Variants in KIF5C observed in about 807,000 individuals in gnomAD.
KIF5C encodes the protein kinesin heavy chain isoform 5C.
In KIF5C, 18 loss-of-function variants were observed where a neutral mutation model predicts 125.2. The ratio of observed to expected loss-of-function variants is 0.14; its 90% CI spans 0.10 to 0.21. The LOEUF is 0.21. Ranked by LOEUF, KIF5C falls within the 10% of genes least tolerant of loss-of-function variation. The probability of loss-of-function intolerance (pLI) is 1.00; values close to 1 mark genes in which losing one functional copy is unlikely to be tolerated. For synonymous variants in KIF5C, 405 were observed against 434.0 expected (o/e 0.93, Z 0.83); for missense variants, 780 against 1,183.8 (o/e 0.66, Z 5.01).
chr2:148,984,449 G>A (rs59917408), intron 15 of KIF5C, among the ~76,000 whole-genome samples: 1,845 of 152,258 alleles, frequency 0.012, 38 homozygotes, highest in African/African-American at 0.041. Context: ...CTTTTTCTCT[G>A]TTTCCTTTCT....
chr2:148,989,337 TACACACACACAC>T (rs59582798), intron 15 of KIF5C, among the ~76,000 whole-genome samples: 2 of 147,832 alleles, frequency 1.4e-5, no homozygotes, highest in East Asian at 2.0e-4. Flanking sequence ...TCCATGATTT[TACACACACACAC>T]ACACACACAC....
chr2:148,883,842 T>C (rs956021023), intron 1 of KIF5C: 5 of 152,288 alleles, frequency 3.3e-5, no homozygotes, highest in African/African-American at 1.2e-4. Flanking sequence ...GTAGTCCACA[T>C]ACCTCCTTGT....
intron 19 of KIF5C, 161 bp downstream of exon 19, chr2:148,998,670 G>A: frequency 8.2e-7 from 1 of 1,217,296 alleles, no homozygotes; most frequent in Non-Finnish European, 1.1e-6. Flanking sequence ...TCCAAGGTCT[G>A]TTCTCCGATC....
At chr2:148,989,778 T>C (rs1681477435) in intron 15 of KIF5C, among the ~76,000 whole-genome samples, 1 of 152,218 alleles carries the variant, frequency 6.6e-6, no homozygotes, top group African/African-American at 2.4e-5. Context: ...GCTATTTATA[T>C]TGTTGTTGAA....
At position 148,962,095 on chromosome 2, in the gene KIF5C, A is replaced by T; in HGVS notation, c.1093A>T (p.Met365Leu). Reference sequence around the variant, plus strand: ...GAAGAATGTTATCCAGCATCTGGAGATGGAGCTAAACAGGTGGAGGAATGG... The same window carrying T: ...GAAGAATGTTATCCAGCATCTGGAGTTGGAGCTAAACAGGTGGAGGAATGG... The part of the protein sequence containing the change: ...TLKNVIQHLE[M>L]ELNRWRNGEA... The change falls in exon 11 of 26, where the codon ATG becomes TTG. Residue 365 changes from methionine (M) to leucine (L), a missense_variant. Transcript: ENST00000435030. 1 of 1,611,074 alleles carries T rather than the reference A, an allele frequency of 6.2e-7. No homozygotes were observed. Among genetic ancestry groups the T allele is most frequent in the Non-Finnish European group, 8.5e-7 (1 of 1,178,358 alleles).
At chr2:148,997,191 G>T in intron 17 of KIF5C, 73 bp from the exon 18 acceptor site, 2 of 1,541,644 alleles carry the variant, frequency 1.3e-6, no homozygotes, top group Admixed American at 2.0e-5. Flanking sequence ...CTTGCTTTTT[G>T]TTTTTTAATT....
intron 7 of KIF5C, among the ~76,000 whole-genome samples, chr2:148,943,065 G>A (rs1682443941): frequency 1.3e-5 from 2 of 152,066 alleles, no homozygotes; most frequent in South Asian, 4.1e-4. Context: ...ACCAAAGGGA[G>A]GGAAAGAGTA....
At chr2:148,970,403 T>C (rs1680866935) in intron 11 of KIF5C, among the ~76,000 whole-genome samples, 1 of 152,198 alleles carries the variant, frequency 6.6e-6, no homozygotes, top group African/African-American at 2.4e-5. Flanking sequence ...TTTTTACATA[T>C]ACTATCTTCA....
At chr2:149,013,105 G>A (rs1297082747) in intron 25 of KIF5C, among the ~76,000 whole-genome samples, 4 of 152,198 alleles carry the variant, frequency 2.6e-5, no homozygotes, top group South Asian at 2.1e-4. Flanking sequence ...GATATTCATC[G>A]AAGTTTGAAA....
intron 17 of KIF5C, among the ~76,000 whole-genome samples, chr2:148,995,942 G>A (rs1403366208): frequency 6.6e-6 from 1 of 152,216 alleles, no homozygotes; most frequent in East Asian, 1.9e-4. Context: ...GGATCACGAG[G>A]TCAGGAGTTC....
intron 4 of KIF5C, 129 bp downstream of exon 4, chr2:148,937,517 C>T: frequency 7.6e-7 from 1 of 1,316,782 alleles, no homozygotes; most frequent in African/African-American, 1.5e-5. Context: ...GTAAGCAGAG[C>T]CCTCTTTATT....
intron 11 of KIF5C, among the ~76,000 whole-genome samples, chr2:148,972,573 G>A (rs559422460): frequency 6.6e-6 from 1 of 152,282 alleles, no homozygotes; most frequent in Admixed American, 6.5e-5. Context: ...TGACAAATTT[G>A]GCAATTCTTC....
At chr2:148,896,983 C>T (rs1221823346) in intron 1 of KIF5C, among the ~76,000 whole-genome samples, 1 of 152,136 alleles carries the variant, frequency 6.6e-6, no homozygotes, top group Non-Finnish European at 1.5e-5. Flanking sequence ...CAGGCACTCA[C>T]CACTACATCC....
At chr2:148,922,437 G>A (rs1681826355) in intron 2 of KIF5C, among the ~76,000 whole-genome samples, 1 of 152,204 alleles carries the variant, frequency 6.6e-6, no homozygotes, top group Non-Finnish European at 1.5e-5. Flanking sequence ...TCAAGGACAT[G>A]TCTTTATTTC....
intron 10 of KIF5C, among the ~76,000 whole-genome samples, chr2:148,959,679 C>T (rs980293905): frequency 3.9e-5 from 6 of 152,154 alleles, no homozygotes; most frequent in Non-Finnish European, 8.8e-5. Flanking sequence ...CTTTTCTGCA[C>T]CATCTCTGTC....
At chr2:148,919,799 AC>A (rs774731831) in intron 1 of KIF5C, among the ~76,000 whole-genome samples, 69 of 152,360 alleles carry the variant, frequency 4.5e-4, no homozygotes, top group Admixed American at 1.4e-3. Context: ...GCAAGACAGG[AC>A]ACATAAAAAT....
chr2:148,991,756 C>T (rs76825161), intron 16 of KIF5C, among the ~76,000 whole-genome samples: 3,683 of 152,190 alleles, frequency 0.024, 137 homozygotes, highest in African/African-American at 0.078. Context: ...ACCTACAGCC[C>T]GTGAATGACA....
At chr2:148,936,628 A>C (rs1682298137) in intron 3 of KIF5C, among the ~76,000 whole-genome samples, 1 of 152,226 alleles carries the variant, frequency 6.6e-6, no homozygotes, top group Non-Finnish European at 1.5e-5. Flanking sequence ...AGGTGAAATG[A>C]GTAAAGTAGA....
At chr2:149,004,690 A>G (rs1010165465) in intron 21 of KIF5C, among the ~76,000 whole-genome samples, 2 of 152,220 alleles carry the variant, frequency 1.3e-5, no homozygotes, top group African/African-American at 2.4e-5. Flanking sequence ...CATACTAGTC[A>G]TCTTTATTGG....
Sources: allele counts gnomAD v4.1 joint callset (sites outside exome capture counted in the v4.1 genomes callset), GRCh38; gene constraint gnomAD v4.1.1; transcripts MANE v1.5; gene names NCBI Gene and HGNC (gene_info 2026-07-23, HGNC 2026-07-21).